The following PTPRN2 variants were observed in gnomAD, a reference collection of about 807,000 sequenced individuals.
PTPRN2 encodes the protein receptor-type tyrosine-protein phosphatase N2.
PTPRN2 carries 74 observed loss-of-function variants against 118.8 expected under a neutral mutation model. The observed-to-expected ratio is 0.62, with a 90% CI of 0.52 to 0.76. The LOEUF (loss-of-function observed/expected upper bound fraction) is 0.76. PTPRN2 is among the 30% of genes least tolerant of loss of function. The pLI, the probability that PTPRN2 is intolerant of heterozygous loss-of-function variation, is 0.00. For missense variants in PTPRN2, 1,481 were observed against 1,394.4 expected (o/e 1.06, Z -0.99); for synonymous variants, 641 against 608.0 (o/e 1.05, Z -0.80).
intron 11 of PTPRN2, among the ~76,000 whole-genome samples, chr7:158,007,376 C>T (rs925737264): frequency 6.6e-6 from 1 of 152,060 alleles, no homozygotes; most frequent in Non-Finnish European, 1.5e-5. Flanking sequence ...CTAACATTTC[C>T]TTTGCTTCTC....
At chr7:158,162,322 A>G (rs1822432020) in intron 6 of PTPRN2, among the ~76,000 whole-genome samples, 1 of 152,236 alleles carries the variant, frequency 6.6e-6, no homozygotes, top group Non-Finnish European at 1.5e-5. Context: ...AATAATTGCC[A>G]ATACATGGAA....
intron 10 of PTPRN2, among the ~76,000 whole-genome samples, chr7:158,092,226 A>G (rs1354734271): frequency 6.6e-6 from 1 of 150,734 alleles, no homozygotes; most frequent in Non-Finnish European, 1.5e-5. Context: ...ATACACACAT[A>G]TATGTATATA....
chr7:157,748,421 G>T (rs1801171328), intron 12 of PTPRN2, among the ~76,000 whole-genome samples: 1 of 150,194 alleles, frequency 6.7e-6, no homozygotes, highest in Non-Finnish European at 1.5e-5. Context: ...GGGTTTCTCG[G>T]TAATTCTGAG....
intron 3 of PTPRN2, among the ~76,000 whole-genome samples, chr7:158,268,204 G>A (rs371900595): frequency 1.1e-4 from 16 of 152,324 alleles, no homozygotes; most frequent in East Asian, 3.9e-4. Flanking sequence ...CATCAGAGCC[G>A]CGGCCGCACG....
chr7:158,316,395 T>G (rs528618092), intron 3 of PTPRN2, among the ~76,000 whole-genome samples: 1 of 152,218 alleles, frequency 6.6e-6, no homozygotes, highest in African/African-American at 2.4e-5. Flanking sequence ...TAAATTATCA[T>G]AATTTTAAAA....
At chr7:158,040,417 AACAC>A (rs1808375743) in intron 11 of PTPRN2, among the ~76,000 whole-genome samples, 1 of 121,982 alleles carries the variant, frequency 8.2e-6, no homozygotes, top group Non-Finnish European at 1.8e-5. Flanking sequence ...CACACACACA[AACAC>A]ACTGCACATG....
At chr7:158,272,273 C>A (rs1265502188) in intron 3 of PTPRN2, among the ~76,000 whole-genome samples, 4 of 152,208 alleles carry the variant, frequency 2.6e-5, no homozygotes, top group Non-Finnish European at 5.9e-5. Flanking sequence ...GGGGCCCGGG[C>A]AGGCCCTGTG....
chr7:158,457,777 C>T (rs187590892), intron 2 of PTPRN2, among the ~76,000 whole-genome samples: 74 of 148,332 alleles, frequency 5.0e-4, no homozygotes, highest in Non-Finnish European at 7.4e-4. Context: ...AGCGGATGCG[C>T]GGCCCCAGTC....
At chr7:158,011,116 A>T (rs542061067) in intron 11 of PTPRN2, among the ~76,000 whole-genome samples, 6 of 152,380 alleles carry the variant, frequency 3.9e-5, no homozygotes, top group African/African-American at 1.4e-4. Context: ...CAGATGACAG[A>T]GTGGTCTCTG....
intron 3 of PTPRN2, among the ~76,000 whole-genome samples, chr7:158,303,555 TG>T (rs1392648167): frequency 5.3e-5 from 8 of 152,330 alleles, no homozygotes; most frequent in African/African-American, 1.9e-4. Context: ...AAGCTTGCAA[TG>T]TGTAAACCTT....
rs1827965503 is a variant in PTPRN2, at chr7:158,570,568, T to C, written c.112+16990A>G. ...TCTGCCACTGAAGCCTCTCCCTGTGTCCTCCGTGCCCCCCGAGTGGCCTGC... is the reference window on the plus strand; with the variant it reads ...TCTGCCACTGAAGCCTCTCCCTGTGCCCTCCGTGCCCCCCGAGTGGCCTGC... On this transcript the variant is annotated intron_variant, in intron 1 of 22. Transcript: ENST00000389418. This position sits in a 1 kb window ranked among gnomAD's most constrained non-coding sequence, Gnocchi z 4.5. Among the ~76,000 whole-genome samples the C allele has an allele frequency of 6.6e-6, 1 of 152,104 alleles. No individual in the cohort carries two copies. Among genetic ancestry groups the C allele is most frequent in the African/African-American group, 2.4e-5 (1 of 41,418 alleles).
At chr7:158,397,874 GGC>G (rs200433821) in intron 2 of PTPRN2, among the ~76,000 whole-genome samples, 65,946 of 151,806 alleles carry the variant, frequency 0.43, 15,213 homozygotes, top group East Asian at 0.75. Flanking sequence ...AGGGTGCCAC[GGC>G]CTGACAGTAA....
chr7:158,527,958 G>T (rs188184774), intron 1 of PTPRN2, among the ~76,000 whole-genome samples: 9 of 152,254 alleles, frequency 5.9e-5, no homozygotes, highest in East Asian at 3.9e-4. Context: ...TATGTCTGTT[G>T]GTTTAAAGCC....
intron 3 of PTPRN2, among the ~76,000 whole-genome samples, chr7:158,289,189 TC>T (rs1799950258): frequency 6.6e-6 from 1 of 152,230 alleles, no homozygotes; most frequent in Non-Finnish European, 1.5e-5. Context: ...CTTTTGATCT[TC>T]CTGTACCTAG....
intron 2 of PTPRN2, among the ~76,000 whole-genome samples, chr7:158,410,781 T>C (rs1310538580): frequency 6.6e-6 from 1 of 151,560 alleles, no homozygotes; most frequent in African/African-American, 2.4e-5. Context: ...GACGTCCCTG[T>C]AGGGAGAGGA....
In PTPRN2 at chr7:158,238,097, C is replaced by T. The variant is rs185274851; in HGVS notation, c.278-32824G>A. Among the ~76,000 whole-genome samples, 87 of 152,250 alleles carry T rather than the reference C, an allele frequency of 5.7e-4. 1 individual carries two copies. The highest frequency in any genetic ancestry group is 1.3e-3 in the African/African-American group (53 of 41,560). ...GCCGCGGCCTCCTGCTGGGAACGTC[C>T]GCCCCGTCCTGCCTCTCGGGGCGGC... is the stretch of plus-strand genomic sequence containing the variant. On this transcript the variant is annotated intron_variant, in intron 3 of 22. Transcript: ENST00000389418.
At position 158,096,964 on chromosome 7, in the gene PTPRN2, T is replaced by C. The variant is rs543356678; in HGVS notation, c.1643+13865A>G. Among the ~76,000 whole-genome samples the C allele has an allele frequency of 1.8e-4, 28 of 152,316 alleles. No homozygotes were observed. In the East Asian group the frequency reaches 5.2e-3, roughly 28 times the overall value. On this transcript the variant is annotated intron_variant, in intron 10 of 22. Transcript: ENST00000389418. ...TGTCGCTGCAGTGGTTAATCTGCAC[T>C]GCCCTGATGTGTAGACAAAATTATC...
chr7:158,071,568 C>CTGGTGGAGGTGCTTGTGG (rs1811697633), intron 11 of PTPRN2, among the ~76,000 whole-genome samples: 1 of 7,146 alleles, frequency 1.4e-4, no homozygotes, highest in Non-Finnish European at 3.2e-4. Flanking sequence ...GGAGGTGCTC[C>CTGGTGGAGGTGCTTGTGG]TGGTGGAGGT....
intron 2 of PTPRN2, among the ~76,000 whole-genome samples, chr7:158,430,605 G>A (rs995010521): frequency 6.6e-6 from 1 of 152,206 alleles, no homozygotes; most frequent in Non-Finnish European, 1.5e-5. Flanking sequence ...AACATTTGGT[G>A]GTGTCTCCAC....
Sources: allele counts gnomAD v4.1 joint callset (sites outside exome capture counted in the v4.1 genomes callset), GRCh38; gene constraint gnomAD v4.1.1; non-coding constraint Gnocchi (gnomAD v3.1); transcripts MANE v1.5; gene names NCBI Gene and HGNC (gene_info 2026-07-23, HGNC 2026-07-21).